Variants in BANF2 observed in about 807,000 individuals in gnomAD.
The protein encoded by BANF2 is barrier-to-autointegration factor-like protein.
BANF2 carries 4 observed loss-of-function variants against 8.0 expected under a neutral mutation model. The observed-to-expected ratio is 0.50, with a 90% CI of 0.25 to 1.14. BANF2 has a LOEUF of 1.14. BANF2 is among the 50% of genes most tolerant of loss of function. The pLI, the probability that BANF2 is intolerant of heterozygous loss-of-function variation, is 0.16. For missense variants in BANF2, 96 were observed against 107.5 expected (o/e 0.89, Z 0.47); for synonymous variants, 50 against 40.6 (o/e 1.23, Z -0.88).
intron 3 of BANF2, among the ~76,000 whole-genome samples, chr20:17,733,995 T>A (rs1026150410): frequency 6.6e-6 from 1 of 152,248 alleles, no homozygotes; most frequent in African/African-American, 2.4e-5. Context: ...ATGCTGGTTC[T>A]TGTTGGTTCC....
At chr20:17,712,033 G>C (rs1319252734) in intron 1 of BANF2, 1 of 152,998 alleles carries the variant, frequency 6.5e-6, no homozygotes, top group African/African-American at 2.4e-5. Flanking sequence ...GTGTCTTCAA[G>C]GCAGTGGGGA....
intron 3 of BANF2, among the ~76,000 whole-genome samples, chr20:17,732,946 G>A (rs879710501): frequency 5.3e-5 from 8 of 152,192 alleles, no homozygotes; most frequent in Non-Finnish European, 8.8e-5. Context: ...CTGGGGAGCA[G>A]GGTGAAGTGC....
intron 1 of BANF2, among the ~76,000 whole-genome samples, chr20:17,719,885 C>A (rs1163987506): frequency 6.6e-6 from 1 of 152,120 alleles, no homozygotes; most frequent in Middle Eastern, 3.2e-3. Flanking sequence ...CTGCAGATCC[C>A]CCCGCAAAGG....
At chr20:17,731,799 G>A (rs1392079088) in intron 3 of BANF2, among the ~76,000 whole-genome samples, 1 of 148,476 alleles carries the variant, frequency 6.7e-6, no homozygotes, top group African/African-American at 2.5e-5. Context: ...AGGCGTGATG[G>A]CTCACTCCTG....
intron 1 of BANF2, among the ~76,000 whole-genome samples, chr20:17,700,900 CTG>C (rs1268119432): frequency 6.6e-6 from 1 of 152,212 alleles, no homozygotes; most frequent in Non-Finnish European, 1.5e-5. Context: ...CATTCACCAT[CTG>C]TGAGTGCCAA....
At chr20:17,711,827 G>C (rs1372805146) in intron 1 of BANF2, among the ~76,000 whole-genome samples, 1 of 152,178 alleles carries the variant, frequency 6.6e-6, no homozygotes, top group African/African-American at 2.4e-5. Flanking sequence ...GCACCAGCTG[G>C]TCAAGGAGAC....
At chr20:17,716,017 G>C (rs1170871573) in intron 1 of BANF2, among the ~76,000 whole-genome samples, 1 of 152,128 alleles carries the variant, frequency 6.6e-6, no homozygotes, top group Non-Finnish European at 1.5e-5. Flanking sequence ...ACCACGGTAG[G>C]CTCAGTTCCC....
upstream of BANF2, among the ~76,000 whole-genome samples, chr20:17,699,034 T>C (rs553615249): frequency 6.6e-6 from 1 of 152,280 alleles, no homozygotes; most frequent in South Asian, 2.1e-4. Flanking sequence ...ATTATTGGGT[T>C]CTCCCCCAGA....
At chr20:17,713,503 G>A (rs1320046243) in intron 1 of BANF2, among the ~76,000 whole-genome samples, 1 of 152,162 alleles carries the variant, frequency 6.6e-6, no homozygotes, top group Non-Finnish European at 1.5e-5. Flanking sequence ...AACAACGTGA[G>A]TACATTGAAC....
intron 1 of BANF2, among the ~76,000 whole-genome samples, chr20:17,701,202 A>G (rs1042316458): frequency 6.6e-6 from 1 of 152,212 alleles, no homozygotes; most frequent in Non-Finnish European, 1.5e-5. Flanking sequence ...CTGGAAAAGG[A>G]AAAAAGACAG....
At chr20:17,734,353 A>G (rs1020689981) in intron 3 of BANF2, among the ~76,000 whole-genome samples, 3 of 152,210 alleles carry the variant, frequency 2.0e-5, no homozygotes, top group East Asian at 3.8e-4. Flanking sequence ...TGCTCCTCCT[A>G]CAGAACTACA....
rs865940584 is a variant in BANF2 at position 17,735,186 on chromosome 20, C to G, written c.127-479C>G. Among the ~76,000 whole-genome samples the G allele has an allele frequency of 2.6e-5, 4 of 152,306 alleles. No individual in the cohort carries two copies. In the South Asian group the frequency reaches 8.3e-4, roughly 32 times the overall value. On this transcript the variant is annotated intron_variant, in intron 3 of 3. Coordinates refer to ENST00000246090, the MANE Select transcript of BANF2 (RefSeq NM_178477.5). ...CAGAAGTAGTGGGGCGGGAATGTCT[C>G]TTACTCTGTCTGGGTTATGTGTGTG...
chr20:17,733,753 A>G (rs2037936216), intron 3 of BANF2, among the ~76,000 whole-genome samples: 1 of 152,160 alleles, frequency 6.6e-6, no homozygotes, highest in South Asian at 2.1e-4. Context: ...AATCACCACA[A>G]AATCCTGGCT....
At chr20:17,708,180 T>C (rs2122584480) in intron 1 of BANF2, among the ~76,000 whole-genome samples, 1 of 151,656 alleles carries the variant, frequency 6.6e-6, no homozygotes, top group Admixed American at 6.6e-5. Flanking sequence ...TGAGCTGAGA[T>C]CATGCCACTG....
rs1451977173 is a variant in BANF2 at position 17,731,253 on chromosome 20, A to C, written c.127-4412A>C. 3 of 152,052 alleles carry C rather than the reference A, an allele frequency of 2.0e-5. No homozygotes were observed. The East Asian group carries it at 5.8e-4, about 29-fold the overall frequency. 9.4% of individuals were successfully genotyped at this position (152,052 alleles called of 1,614,324 possible). ...ACTCCAACCTGGGCTATAGAGTGAG[A>C]CTCTGTCTCAAAATAAAAGAAGAAG... On this transcript the variant is annotated intron_variant, in intron 3 of 3. Coordinates refer to ENST00000246090, the MANE Select transcript of BANF2 (RefSeq NM_178477.5).
chr20:17,729,328 C>T (rs990982632), intron 3 of BANF2, among the ~76,000 whole-genome samples: 1 of 152,196 alleles, frequency 6.6e-6, no homozygotes, highest in African/African-American at 2.4e-5. Flanking sequence ...CTTCAAGACC[C>T]TACTCACAGC....
chr20:17,733,524 A>G (rs1355167144), intron 3 of BANF2, among the ~76,000 whole-genome samples: 1 of 152,204 alleles, frequency 6.6e-6, no homozygotes, highest in Non-Finnish European at 1.5e-5. Flanking sequence ...CCTTGGACAC[A>G]GCTCTATGTC....
In BANF2 at chr20:17,722,856, G is replaced by A. The variant is rs541214428; in HGVS notation, c.-26G>A. The stretch of plus-strand genomic sequence containing the variant: ...TCCTTCAGAGCAAGAAGGCGTACAC[G>A]AGGAGCTCGACTCTGTAGAAAGGTC... On this transcript the variant is annotated 5_prime_UTR_variant, in exon 2 of 4. Transcript: ENST00000246090. 9 of 985,434 alleles carry A rather than the reference G, an allele frequency of 9.1e-6. No individual in the cohort carries two copies. Among genetic ancestry groups the A allele is most frequent in the East Asian group, 1.1e-4 (1 of 8,814 alleles). The allele number at this position is 985,434 out of a possible 1,614,324, so 61.0% of individuals were successfully genotyped here. A position where few individuals can be genotyped will look rare whatever the true frequency, so the allele number is the denominator to read the frequency against.
chr20:17,693,768 C>T, intron 1 of BANF2: 1 of 1,532,806 alleles, frequency 6.5e-7, no homozygotes, highest in Non-Finnish European at 8.8e-7. Flanking sequence ...GGAAAGGAGG[C>T]AAGGACAAAT....
Sources: allele counts gnomAD v4.1 joint callset (sites outside exome capture counted in the v4.1 genomes callset), GRCh38; gene constraint gnomAD v4.1.1; transcripts MANE v1.5; gene names NCBI Gene and HGNC (gene_info 2026-07-23, HGNC 2026-07-21).